CAPN7: variants seen among roughly 807,000 people sequenced by gnomAD.
CAPN7 encodes the protein calpain 7.
A neutral mutation model predicts 115.2 loss-of-function variants in CAPN7; 72 were observed. The observed-to-expected ratio is 0.63, with a 90% CI of 0.52 to 0.76. The LOEUF (loss-of-function observed/expected upper bound fraction) is 0.76, where lower values mean the gene tolerates loss of function less well. CAPN7 is among the 30% of genes least tolerant of loss of function. The pLI is 0.00. For synonymous variants in CAPN7, 344 were observed against 322.3 expected (o/e 1.07, Z -0.72); for missense variants, 905 against 971.5 (o/e 0.93, Z 0.91).
intron 12 of CAPN7, among the ~76,000 whole-genome samples, chr3:15,240,138 C>T (rs1470109316): frequency 6.6e-6 from 1 of 152,216 alleles, no homozygotes; most frequent in Non-Finnish European, 1.5e-5. Context: ...TGTATCTGGG[C>T]TGCCCAATGC....
At chr3:15,241,165 A>C (rs557417602) in intron 14 of CAPN7, among the ~76,000 whole-genome samples, 1 of 152,300 alleles carries the variant, frequency 6.6e-6, no homozygotes, top group East Asian at 1.9e-4. Flanking sequence ...AGATCATGCC[A>C]CTGCACTCCA....
At chr3:15,216,029 A>G (rs7635326) in intron 2 of CAPN7, among the ~76,000 whole-genome samples, 17,843 of 152,044 alleles carry the variant, frequency 0.12, 3,491 homozygotes, top group African/African-American at 0.4. Flanking sequence ...TGGAGGTTGC[A>G]GTGAGCTGAG....
At chr3:15,245,733 T>G (rs959065721) in intron 17 of CAPN7, 62 bp downstream of exon 17, 1 of 1,380,574 alleles carries the variant, frequency 7.2e-7, no homozygotes, top group African/African-American at 1.5e-5. Context: ...TATGCTCTGC[T>G]TTGTAAGTGG....
At chr3:15,238,200 G>T (rs1401525620) in intron 12 of CAPN7, among the ~76,000 whole-genome samples, 1 of 124,106 alleles carries the variant, frequency 8.1e-6, no homozygotes, top group Admixed American at 1.0e-4. Context: ...TGCAAGCTCC[G>T]CCTCCCAGGT....
rs1212412009 is a variant in CAPN7, at chr3:15,206,408, T to C, written c.-88T>C. 6.2e-6 allele frequency: 6 copies of C among 969,894 alleles called. No individual in the cohort carries two copies. The highest frequency in any genetic ancestry group is 2.3e-5 in the Admixed American group (1 of 43,462). The allele number at this position is 969,894 out of a possible 1,614,324, so 60.1% of individuals were successfully genotyped here. On this transcript the variant is annotated 5_prime_UTR_variant, in exon 1 of 21. Transcript: ENST00000253693. ...CCGCTCCTTCCGCGGCGCTCCCGAG[T>C]CCTCGCCGCCGCCGGGCCGCCGCAG... is the stretch of plus-strand genomic sequence containing the variant.
intron 1 of CAPN7, among the ~76,000 whole-genome samples, chr3:15,211,875 G>A (rs2044972764): frequency 6.6e-6 from 1 of 152,082 alleles, no homozygotes; most frequent in African/African-American, 2.4e-5. Flanking sequence ...GGGTGACAGA[G>A]CAAAACTCTG....
In CAPN7 at chr3:15,238,849, A is replaced by ATTT. The variant is rs59838740; in HGVS notation, c.1408-1602_1408-1600dup. Among the ~76,000 whole-genome samples, 1,111 of 113,994 alleles carry ATTT rather than the reference A, an allele frequency of 9.7e-3. 46 individuals carry two copies. The highest frequency in any genetic ancestry group is 0.038 in the African/African-American group (992 of 25,844). 74.8% of individuals were successfully genotyped at this position (113,994 alleles called of 152,430 possible). Reference sequence around the variant, plus strand: ...AAATTGGATGCTTCAGCAAAATCAAATTTTTTTTTTTTTTTTTTTTTTTTG... The same window carrying ATTT: ...AAATTGGATGCTTCAGCAAAATCAAATTTTTTTTTTTTTTTTTTTTTTTTTTTG... On this transcript the variant is annotated intron_variant, in intron 12 of 20. Transcript: ENST00000253693.
intron 5 of CAPN7, among the ~76,000 whole-genome samples, chr3:15,223,093 G>A (rs141470481): frequency 1.6e-4 from 24 of 152,204 alleles, no homozygotes; most frequent in Middle Eastern, 3.4e-3. Flanking sequence ...ACCAGAAAAC[G>A]TGAAGAGCAT....
At chr3:15,207,686 G>C (rs757913276) in intron 1 of CAPN7, among the ~76,000 whole-genome samples, 1 of 149,540 alleles carries the variant, frequency 6.7e-6, no homozygotes, top group South Asian at 2.1e-4. Context: ...GCACACGTTA[G>C]CCTAGGCCTA....
At position 15,240,529 on chromosome 3, in the gene CAPN7, A is replaced by G. The variant is rs766590923; in HGVS notation, c.1464A>G (p.Arg488=). ...GGAGTCATTTACGTTGGAAAGGAAG[A>G]TACAGTGAAAATGATGTAAAAAACT... ...NPWSHLRWKG[R]YSENDVKNWT... Residue 488 remains arginine (R), a synonymous_variant, in exon 13 of 21, where the codon AGA becomes AGG. Coordinates refer to ENST00000253693, the MANE Select transcript of CAPN7 (RefSeq NM_014296.3). 35 of 1,613,450 alleles carry G rather than the reference A, an allele frequency of 2.2e-5. No homozygotes were observed. Among genetic ancestry groups the G allele is most frequent in the Non-Finnish European group, 3.0e-5 (35 of 1,179,798 alleles).
chr3:15,221,208 G>C (rs59114013), intron 5 of CAPN7, among the ~76,000 whole-genome samples: 18,859 of 151,672 alleles, frequency 0.12, 3,910 homozygotes, highest in African/African-American at 0.43. Context: ...GAGACAGAGT[G>C]TCACTCTGTT....
chr3:15,241,424 C>T (rs1403702181), intron 14 of CAPN7, 29 bp from the exon 15 acceptor site: 1 of 1,602,454 alleles, frequency 6.2e-7, no homozygotes. Flanking sequence ...AATTTAATTA[C>T]AACCTTCTTT....
In CAPN7 at chr3:15,218,499, G is replaced by A. The variant is rs757043095; in HGVS notation, c.396G>A (p.Leu132=). The change falls in exon 4 of 21, where the codon CTG becomes CTA. Residue 132 remains leucine, a synonymous_variant. Transcript: ENST00000253693. The part of the protein sequence containing the change: ...KTSYETADKV[L]QNKLKQLARQ... ...CTTATGAAACTGCTGATAAAGTCCTGCAAAATAAACTGAAACAGTTGGCTC... is the reference window on the plus strand; with the variant it reads ...CTTATGAAACTGCTGATAAAGTCCTACAAAATAAACTGAAACAGTTGGCTC... The A allele has an allele frequency of 6.2e-6, 10 of 1,613,224 alleles. No homozygotes were observed. In the African/African-American group the frequency reaches 1.3e-4, roughly 22 times the overall value.
chr3:15,212,447 A>G (rs1170759075), intron 2 of CAPN7, among the ~76,000 whole-genome samples: 1 of 152,234 alleles, frequency 6.6e-6, no homozygotes, highest in Admixed American at 6.5e-5. Context: ...CCCAGAGTGC[A>G]GAGATGGTGA....
intron 2 of CAPN7, among the ~76,000 whole-genome samples, chr3:15,216,841 A>G (rs894148429): frequency 7.9e-5 from 12 of 152,294 alleles, no homozygotes; most frequent in African/African-American, 2.9e-4. Flanking sequence ...CAGGGAAAGA[A>G]TTTTTTAAAT....
At chr3:15,234,935 T>G in intron 11 of CAPN7, 90 bp from the exon 12 acceptor site, 1 of 1,165,456 alleles carries the variant, frequency 8.6e-7, no homozygotes. Context: ...CCCATTTTCA[T>G]GTAAGCCATT....
At position 15,227,867 on chromosome 3, in the gene CAPN7, C is replaced by G; in HGVS notation, c.754C>G (p.Pro252Ala). 6.4e-7 allele frequency: 1 copy of G among 1,556,564 alleles called. No individual in the cohort carries two copies. Among genetic ancestry groups the G allele is most frequent in the South Asian group, 1.2e-5 (1 of 81,608 alleles). ...CDRWGKLPLS[P>A]KQKTTFSKWV... ...TAGATGGGGCAAGCTACCATTATCA[C>G]CTAAACAAAAAACTACATTTTCCAA... The change falls in exon 7 of 21, where the codon CCT becomes GCT. Residue 252 changes from proline (P) to alanine (A), a missense_variant. Transcript: ENST00000253693.
intron 19 of CAPN7, among the ~76,000 whole-genome samples, chr3:15,250,496 C>G (rs1387306166): frequency 6.6e-6 from 1 of 152,068 alleles, no homozygotes; most frequent in Non-Finnish European, 1.5e-5. Flanking sequence ...TGATGAAACC[C>G]CGTCACTACT....
At chr3:15,238,873 T>TTTTTG (rs1695170893) in intron 12 of CAPN7, among the ~76,000 whole-genome samples, 2 of 146,716 alleles carry the variant, frequency 1.4e-5, no homozygotes, top group Non-Finnish European at 3.0e-5. Context: ...TTTTTTTTTT[T>TTTTTG]GTTCTCTAGC....
Sources: allele counts gnomAD v4.1 joint callset (sites outside exome capture counted in the v4.1 genomes callset), GRCh38; gene constraint gnomAD v4.1.1; transcripts MANE v1.5; gene names NCBI Gene and HGNC (gene_info 2026-07-23, HGNC 2026-07-21).